Variants in CSRNP3 observed in about 807,000 individuals in gnomAD.
CSRNP3 encodes the protein cysteine and serine rich nuclear protein 3.
Under a neutral mutation model 48.0 loss-of-function variants are expected in CSRNP3, and 12 were observed. The ratio of observed to expected loss-of-function variants is 0.25; its 90% CI spans 0.16 to 0.41. CSRNP3 has a LOEUF of 0.41. Ranked by LOEUF, CSRNP3 falls within the 10% of genes least tolerant of loss-of-function variation. The pLI, the probability that CSRNP3 is intolerant of heterozygous loss-of-function variation, is 1.00. For synonymous variants in CSRNP3, 263 were observed against 269.7 expected (o/e 0.98, Z 0.24); for missense variants, 580 against 724.4 (o/e 0.80, Z 2.29).
chr2:165,637,317 G>A (rs1686644452), intron 4 of CSRNP3, among the ~76,000 whole-genome samples: 1 of 152,182 alleles, frequency 6.6e-6, no homozygotes, highest in Admixed American at 6.5e-5. Flanking sequence ...AATTTGTCTG[G>A]GTCTTTATAT....
chr2:165,559,802 T>TA (rs1685207672), intron 3 of CSRNP3, among the ~76,000 whole-genome samples: 1 of 137,776 alleles, frequency 7.3e-6, no homozygotes, highest in Non-Finnish European at 1.6e-5. Context: ...CTTTCTTTTT[T>TA]TTTTTTTTTT....
chr2:165,618,434 C>T (rs1686287428), intron 4 of CSRNP3, among the ~76,000 whole-genome samples: 2 of 152,200 alleles, frequency 1.3e-5, no homozygotes, highest in East Asian at 1.9e-4. Flanking sequence ...ATCTTATTAA[C>T]ATAGCTGTCA....
chr2:165,621,257 ATAT>A (rs1686334466), intron 4 of CSRNP3, among the ~76,000 whole-genome samples: 1 of 149,634 alleles, frequency 6.7e-6, no homozygotes, highest in Admixed American at 6.7e-5. Context: ...TCCTACCAAA[ATAT>A]TATTATTTGT....
chr2:165,538,147 C>T (rs1246708664), intron 3 of CSRNP3, among the ~76,000 whole-genome samples: 1 of 151,928 alleles, frequency 6.6e-6, no homozygotes, highest in African/African-American at 2.4e-5. Flanking sequence ...CAAGATTATT[C>T]ATCCCACAAC....
chr2:165,580,721 T>A (rs965423949), intron 3 of CSRNP3, among the ~76,000 whole-genome samples: 1 of 152,216 alleles, frequency 6.6e-6, no homozygotes, highest in Non-Finnish European at 1.5e-5. Context: ...TGATTTACAT[T>A]GCCTCATCTG....
At chr2:165,635,898 A>AT (rs999557892) in intron 4 of CSRNP3, among the ~76,000 whole-genome samples, 3 of 151,682 alleles carry the variant, frequency 2.0e-5, no homozygotes, top group Admixed American at 6.6e-5. Flanking sequence ...CTCCATACCC[A>AT]TTTTTTCTTT....
chr2:165,628,670 G>C (rs1686480742), intron 4 of CSRNP3, among the ~76,000 whole-genome samples: 1 of 152,130 alleles, frequency 6.6e-6, no homozygotes, highest in South Asian at 2.1e-4. Flanking sequence ...GTTGCAGTGA[G>C]GCGAGATGGC....
chr2:165,525,424 T>C (rs941551235), intron 3 of CSRNP3, among the ~76,000 whole-genome samples: 5 of 151,920 alleles, frequency 3.3e-5, no homozygotes, highest in African/African-American at 9.7e-5. Context: ...AGTCATGATA[T>C]CAGTTTTTTT....
chr2:165,555,257 C>A (rs936731427), intron 3 of CSRNP3, among the ~76,000 whole-genome samples: 8 of 152,144 alleles, frequency 5.3e-5, no homozygotes, highest in Non-Finnish European at 1.2e-4. Flanking sequence ...TCCCCTTTTT[C>A]TCCCACTTCC....
At chr2:165,493,101 C>T (rs981909486) in intron 1 of CSRNP3, among the ~76,000 whole-genome samples, 2 of 151,720 alleles carry the variant, frequency 1.3e-5, no homozygotes, top group Non-Finnish European at 1.5e-5. Context: ...AGCAGAAAGA[C>T]CTGGAATAAA....
chr2:165,601,500 CT>C lies in CSRNP3; in HGVS notation c.148+6290del, dbSNP rs542605039. 2.2e-3 allele frequency among the ~76,000 whole-genome samples: 340 copies of C among 152,296 alleles called. 1 individual carries two copies. The highest frequency in any genetic ancestry group is 3.4e-3 in the Non-Finnish European group (231 of 68,018). On this transcript the variant is annotated intron_variant, in intron 4 of 6. Transcript: ENST00000651982. Reference sequence around the variant, plus strand: ...AAGATTTTTTTTAATTTATGAAACACTTTCACATTCTTGAGTTCATTTAATA... The same window carrying C: ...AAGATTTTTTTTAATTTATGAAACACTTCACATTCTTGAGTTCATTTAATA...
chr2:165,514,839 C>T (rs138860289), intron 2 of CSRNP3, among the ~76,000 whole-genome samples: 29 of 152,302 alleles, frequency 1.9e-4, no homozygotes, highest in African/African-American at 6.5e-4. Flanking sequence ...AGGCTTGCAC[C>T]ACCACACACA....
At chr2:165,501,156 T>A (rs1684354173) in intron 2 of CSRNP3, among the ~76,000 whole-genome samples, 1 of 152,208 alleles carries the variant, frequency 6.6e-6, no homozygotes, top group Non-Finnish European at 1.5e-5. Context: ...TCAGTTATAA[T>A]GAAATGCTAT....
At chr2:165,621,728 A>T (rs1686343412) in intron 4 of CSRNP3, among the ~76,000 whole-genome samples, 1 of 152,220 alleles carries the variant, frequency 6.6e-6, no homozygotes, top group Non-Finnish European at 1.5e-5. Context: ...AAAATGGTTT[A>T]TTTTAAACAC....
At chr2:165,664,716 C>A (rs902945552) in intron 5 of CSRNP3, among the ~76,000 whole-genome samples, 1 of 152,040 alleles carries the variant, frequency 6.6e-6, no homozygotes, top group African/African-American at 2.4e-5. Context: ...ACATGGTGCT[C>A]CAGGAATATG....
chr2:165,631,845 A>G (rs1411186703), intron 4 of CSRNP3, among the ~76,000 whole-genome samples: 1 of 152,266 alleles, frequency 6.6e-6, no homozygotes, highest in Admixed American at 6.5e-5. Flanking sequence ...CTTTTGCACT[A>G]TAATGGCAGA....
intron 3 of CSRNP3, among the ~76,000 whole-genome samples, chr2:165,526,256 C>CA (rs1226535538): frequency 6.6e-6 from 1 of 151,974 alleles, no homozygotes; most frequent in Non-Finnish European, 1.5e-5. Flanking sequence ...TAGATATCTA[C>CA]AAAAAAGCCT....
At chr2:165,628,890 A>T (rs534674024) in intron 4 of CSRNP3, among the ~76,000 whole-genome samples, 2 of 152,310 alleles carry the variant, frequency 1.3e-5, no homozygotes, top group African/African-American at 4.8e-5. Context: ...ACATAGTGAG[A>T]TCCCATCTCT....
intron 3 of CSRNP3, among the ~76,000 whole-genome samples, chr2:165,534,957 A>T (rs1339180509): frequency 1.3e-5 from 2 of 151,752 alleles, no homozygotes; most frequent in Non-Finnish European, 1.5e-5. Context: ...GTAAATGCAG[A>T]TGTTTAAGTC....
Sources: gnomAD v4.1 joint callset for allele counts (sites outside exome capture counted in the v4.1 genomes callset) on GRCh38, gnomAD v4.1.1 for gene constraint, MANE v1.5 for transcripts, NCBI Gene and HGNC (gene_info 2026-07-23, HGNC 2026-07-21) for gene names.